Variants in AFF2 observed in about 807,000 individuals in gnomAD.
AFF2 encodes the protein AF4/FMR2 family member 2.
AFF2 carries 14 observed loss-of-function variants against 76.9 expected under a neutral mutation model. The ratio of observed to expected loss-of-function variants is 0.18; its 90% CI spans 0.12 to 0.28. The LOEUF (loss-of-function observed/expected upper bound fraction) is 0.28. Ranked by LOEUF, AFF2 falls within the 10% of genes least tolerant of loss-of-function variation. The pLI, the probability that AFF2 is intolerant of heterozygous loss-of-function variation, is 1.00. For synonymous variants in AFF2, 398 were observed against 366.7 expected (o/e 1.09, Z -0.98); for missense variants, 868 against 1,001.1 (o/e 0.87, Z 1.79).
At chrX:148,987,216 C>T (rs1296675427) in intron 19 of AFF2, 151 bp from the exon 20 acceptor site, 1 of 486,479 alleles carries the variant, frequency 2.1e-6, no homozygotes, top group African/African-American at 2.4e-5. Flanking sequence ...ACAAGCTCCA[C>T]TCTGATGGGG....
intron 19 of AFF2, among the ~76,000 whole-genome samples, chrX:148,983,906 G>T (rs1021468377): frequency 7.3e-5 from 6 of 82,346 alleles, no homozygotes; most frequent in African/African-American, 2.7e-4. Context: ...GAACATATAC[G>T]CCAGACACTG....
chrX:148,525,156 C>CGT (rs200463464), intron 1 of AFF2, among the ~76,000 whole-genome samples: 4 of 110,584 alleles, frequency 3.6e-5, no homozygotes, highest in East Asian at 2.8e-4. Flanking sequence ...CTTATGTGTA[C>CGT]GTGTGTGTGT....
At chrX:148,772,284 T>G (rs1232161596) in intron 3 of AFF2, among the ~76,000 whole-genome samples, 4 of 112,194 alleles carry the variant, frequency 3.6e-5, no homozygotes, top group Non-Finnish European at 7.5e-5. Context: ...TTTGATACAT[T>G]AAAAATTCTC....
chrX:148,835,507 A>G (rs2070511601), intron 4 of AFF2, among the ~76,000 whole-genome samples: 3 of 80,572 alleles, frequency 3.7e-5, no homozygotes, highest in South Asian at 1.4e-3. Context: ...TTTTTTTGAG[A>G]TGGAGTCTCG....
At chrX:148,625,116 A>G (rs1301623854) in intron 1 of AFF2, among the ~76,000 whole-genome samples, 2 of 110,206 alleles carry the variant, frequency 1.8e-5, no homozygotes, top group African/African-American at 6.6e-5. Flanking sequence ...ACTTCATCTT[A>G]ATAATTTGCT....
rs201731285 is a variant in AFF2, at chrX:148,955,727, C to A, written c.1682C>A (p.Pro561Gln). 2.0e-5 allele frequency: 24 copies of A among 1,209,917 alleles called. No individual in the cohort carries two copies. Among genetic ancestry groups the A allele is most frequent in the Non-Finnish European group, 2.6e-5 (23 of 895,274 alleles). Residue 561 changes from proline to glutamine, a missense_variant, in exon 11 of 21, where the codon CCA becomes CAA. Around this residue, in one of 6 missense-constraint regions of AFF2, gnomAD observed 532 missense variants for 564.2 expected, o/e 0.94. Transcript: ENST00000370460. ...TPMETISLPPPIIQPMEVQMK... is the reference protein window; with the variant it reads ...TPMETISLPPQIIQPMEVQMK... ...ATGGAGACTATTTCTCTGCCTCCTC[C>A]AATCATCCAACCAATGGAAGTCCAG...
chrX:148,522,625 G>A (rs1191073334), intron 1 of AFF2, among the ~76,000 whole-genome samples: 6 of 111,810 alleles, frequency 5.4e-5, no homozygotes, highest in African/African-American at 2.0e-4. Flanking sequence ...TCTTTGCAAA[G>A]CCTTTTAGTA....
chrX:148,962,866 C>G lies in AFF2; in HGVS notation c.2842C>G (p.Gln948Glu), dbSNP rs1557288262. 1.7e-6 allele frequency: 2 copies of G among 1,210,151 alleles called. No individual in the cohort carries two copies. Reference sequence around the variant, plus strand: ...AGACAAAAACATCGCCATGACTGGACAAATCACATCTACCAAACCTAAGAG... The same window carrying G: ...AGACAAAAACATCGCCATGACTGGAGAAATCACATCTACCAAACCTAAGAG... ...GQDKNIAMTG[Q>E]ITSTKPKRTE... The change falls in exon 13 of 21, where the codon CAA becomes GAA. Residue 948 changes from glutamine (Q) to glutamate (E), a missense_variant. By Grantham distance (29) the Gln-to-Glu change is conservative. Around this residue, in one of 6 missense-constraint regions of AFF2, gnomAD observed 532 missense variants for 564.2 expected, o/e 0.94. Transcript: ENST00000370460.
chrX:148,521,411 C>CACA, intron 1 of AFF2, among the ~76,000 whole-genome samples: 1 of 56,243 alleles, frequency 1.8e-5, no homozygotes, highest in Non-Finnish European at 3.8e-5. Context: ...CACACACACA[C>CACA]TCACTGAGAC....
chrX:148,773,165 A>C (rs782435545), intron 3 of AFF2, among the ~76,000 whole-genome samples: 2 of 112,132 alleles, frequency 1.8e-5, no homozygotes, highest in Non-Finnish European at 3.8e-5. Flanking sequence ...AAATACTAGA[A>C]GACCATACAC....
chrX:148,780,902 T>C (rs1453240896), intron 3 of AFF2, among the ~76,000 whole-genome samples: 1 of 112,236 alleles, frequency 8.9e-6, no homozygotes, highest in East Asian at 2.8e-4. Context: ...CTACCTTCAG[T>C]CTTTGCTGTT....
chrX:148,918,672 G>A lies in AFF2; in HGVS notation c.1397+14414G>A, dbSNP rs2071558901. On this transcript the variant is annotated intron_variant, in intron 9 of 20. Coordinates refer to ENST00000370460, the MANE Select transcript of AFF2 (RefSeq NM_002025.4). ...TAAATGGAATACATTGAGCCTCCAGGAGGAAGGAAAGGGAGGAGGAAATTG... is the reference window on the plus strand; with the variant it reads ...TAAATGGAATACATTGAGCCTCCAGAAGGAAGGAAAGGGAGGAGGAAATTG... Among the ~76,000 whole-genome samples, 8 of 111,840 alleles carry A rather than the reference G, an allele frequency of 7.2e-5. 1 individual carries two copies. The Admixed American group carries it at 7.6e-4, about 11-fold the overall frequency.
intron 1 of AFF2, among the ~76,000 whole-genome samples, chrX:148,636,809 G>GA (rs368514123): frequency 2.0e-4 from 21 of 103,996 alleles, no homozygotes; most frequent in Admixed American, 3.1e-4. Context: ...AGTACCTTGG[G>GA]AAAAAAAAAA....
intron 1 of AFF2, among the ~76,000 whole-genome samples, chrX:148,624,150 T>G (rs1418602713): frequency 8.9e-6 from 1 of 111,806 alleles, no homozygotes; most frequent in Non-Finnish European, 1.9e-5. Context: ...GAATAATGCA[T>G]CTTCTCACAG....
intron 2 of AFF2, among the ~76,000 whole-genome samples, chrX:148,660,950 C>T (rs782012660): frequency 7.8e-4 from 88 of 112,282 alleles, no homozygotes; most frequent in Admixed American, 4.1e-3. Context: ...ACTTTGCTTT[C>T]TGTATTACAA....
At chrX:148,581,130 T>C (rs1569551599) in intron 1 of AFF2, among the ~76,000 whole-genome samples, 5 of 97,893 alleles carry the variant, frequency 5.1e-5, no homozygotes, top group Admixed American at 1.1e-4. Flanking sequence ...CACATATACG[T>C]ATACGTATAC....
In AFF2 at chrX:148,999,330, C is replaced by A. The variant is rs1010518717; in HGVS notation, c.*7998C>A. ...GTATATAAGAATCAGAAAGATAATC[C>A]CAACATGTTGTAAATGAAGATGTGA... On this transcript the variant is annotated 3_prime_UTR_variant, in exon 21 of 21. Coordinates refer to ENST00000370460, the MANE Select transcript of AFF2 (RefSeq NM_002025.4). The A allele has an allele frequency of 9.0e-6, 1 of 111,689 alleles. No homozygotes were observed. Among genetic ancestry groups the A allele is most frequent in the African/African-American group, 3.3e-5 (1 of 30,626 alleles). 9.2% of individuals were successfully genotyped at this position (111,689 alleles called of 1,213,427 possible). A position where few individuals can be genotyped will look rare whatever the true frequency, so the allele number is the denominator to read the frequency against.
intron 3 of AFF2, among the ~76,000 whole-genome samples, chrX:148,752,849 C>T (rs73638187): frequency 0.027 from 3,064 of 111,899 alleles, 111 homozygotes; most frequent in African/African-American, 0.095. Flanking sequence ...ATTTGACATG[C>T]TGCCAGGAAC....
intron 4 of AFF2, among the ~76,000 whole-genome samples, chrX:148,814,747 GA>G (rs782762860): frequency 2.7e-5 from 3 of 111,161 alleles, no homozygotes; most frequent in East Asian, 5.7e-4. Flanking sequence ...TTTTAGCATG[GA>G]AAAAAATTAC....
Sources: allele counts gnomAD v4.1 joint callset (sites outside exome capture counted in the v4.1 genomes callset), GRCh38; gene constraint gnomAD v4.1.1; regional missense constraint gnomAD v4.1.1; transcripts MANE v1.5; gene names NCBI Gene and HGNC (gene_info 2026-07-23, HGNC 2026-07-21).